Variants in TIAM1 observed in about 807,000 individuals in gnomAD.
TIAM1 encodes rho guanine nucleotide exchange factor TIAM1.
A neutral mutation model predicts 163.5 loss-of-function variants in TIAM1; 65 were observed. The ratio of observed to expected loss-of-function variants is 0.40; its 90% CI spans 0.33 to 0.49. The LOEUF is 0.49. Among genes scored for constraint, TIAM1 ranks in the 20% least tolerant of loss-of-function variants. The pLI, the probability that TIAM1 is intolerant of heterozygous loss-of-function variation, is 0.77. For missense variants in TIAM1, 1,789 were observed against 2,044.7 expected, an observed-to-expected ratio of 0.87 and a Z score of 2.41; for synonymous variants, 833 against 810.1, an observed-to-expected ratio of 1.03 and a Z score of -0.48.
chr21:31,135,232 C>T (rs1311099947), intron 23 of TIAM1, among the ~76,000 whole-genome samples: 1 of 152,198 alleles, frequency 6.6e-6, no homozygotes. Flanking sequence ...TACATTGCAA[C>T]AACAAGCTAT....
intron 2 of TIAM1, among the ~76,000 whole-genome samples, chr21:31,381,983 A>C (rs2076786597): frequency 6.6e-6 from 1 of 152,168 alleles, no homozygotes; most frequent in Non-Finnish European, 1.5e-5. Flanking sequence ...GTGAGAAATA[A>C]ATGTTTGTTG....
intron 15 of TIAM1, among the ~76,000 whole-genome samples, chr21:31,177,277 C>T (rs985822482): frequency 1.2e-4 from 18 of 152,124 alleles, no homozygotes; most frequent in Non-Finnish European, 2.5e-4. Context: ...TTAAGCATGA[C>T]CAGGTCAAGG....
In TIAM1 at chr21:31,153,288, G is replaced by A. The variant is rs777819526; in HGVS notation, c.3172-154C>T. Among the ~76,000 whole-genome samples the A allele has an allele frequency of 8.5e-5, 13 of 152,250 alleles. No homozygotes were observed. In the East Asian group the frequency reaches 9.6e-4, roughly 11 times the overall value. The stretch of plus-strand genomic sequence containing the variant: ...AGGCTAACGTTAGAGACTTTAGGTC[G>A]TTAAGGTCCATTTCATGCAGGAGTA... On this transcript the variant is annotated intron_variant, in intron 17 of 27. Transcript: ENST00000541036.
intron 2 of TIAM1, among the ~76,000 whole-genome samples, chr21:31,370,676 C>T (rs1377188975): frequency 1.3e-5 from 2 of 152,074 alleles, no homozygotes; most frequent in Admixed American, 6.6e-5. Context: ...AGACATACTG[C>T]GGTCTATATG....
At chr21:31,465,022 T>C (rs2045473469) in intron 1 of TIAM1, among the ~76,000 whole-genome samples, 2 of 151,478 alleles carry the variant, frequency 1.3e-5, no homozygotes, top group South Asian at 4.2e-4. Context: ...AAAATAAAAA[T>C]AAATTTAAAA....
At chr21:31,203,955 C>A (rs2086329462) in intron 11 of TIAM1, among the ~76,000 whole-genome samples, 1 of 152,164 alleles carries the variant, frequency 6.6e-6, no homozygotes, top group African/African-American at 2.4e-5. Flanking sequence ...GAAAACAATT[C>A]TAAAATTGAA....
intron 23 of TIAM1, among the ~76,000 whole-genome samples, chr21:31,131,820 A>G (rs1425976735): frequency 3.3e-5 from 5 of 152,090 alleles, no homozygotes; most frequent in Admixed American, 6.5e-5. Flanking sequence ...GGCCCTGAGG[A>G]CTCTGTCCTC....
intron 6 of TIAM1, among the ~76,000 whole-genome samples, chr21:31,231,726 G>C (rs1294978345): frequency 1.3e-5 from 2 of 152,070 alleles, no homozygotes; most frequent in African/African-American, 4.8e-5. Flanking sequence ...TGATGAAAAA[G>C]AGTTATGGGC....
rs1309660126 is a variant in TIAM1, at chr21:31,507,055, G to A, written c.-421-43020C>T. On this transcript the variant is annotated intron_variant, in intron 1 of 28. Coordinates refer to the TIAM1 transcript ENST00000286827. ...TATTGTGAATAATGCTGTTATGTGCGTGGGTATGCAAATATCTCTCTAAGT... is the reference window on the plus strand; with the variant it reads ...TATTGTGAATAATGCTGTTATGTGCATGGGTATGCAAATATCTCTCTAAGT... Among the ~76,000 whole-genome samples the A allele has an allele frequency of 4.6e-5, 7 of 152,148 alleles. No homozygotes were observed. The Middle Eastern group carries it at 0.01, about 222-fold the overall frequency.
chr21:31,334,672 C>G (rs1323243016), intron 2 of TIAM1, among the ~76,000 whole-genome samples: 1 of 152,178 alleles, frequency 6.6e-6, no homozygotes, highest in East Asian at 1.9e-4. Context: ...TCACAGCCCC[C>G]ACATGGTTCA....
intron 2 of TIAM1, among the ~76,000 whole-genome samples, chr21:31,356,403 A>G (rs746830073): frequency 3.3e-5 from 5 of 152,098 alleles, no homozygotes; most frequent in Admixed American, 1.3e-4. Flanking sequence ...AGACCACTCA[A>G]TCTCATACTC....
intron 1 of TIAM1, among the ~76,000 whole-genome samples, chr21:31,472,417 C>G (rs983247335): frequency 1.3e-5 from 2 of 152,088 alleles, no homozygotes; most frequent in African/African-American, 4.8e-5. Context: ...GTCCCAGCTA[C>G]TCGGGAGGCT....
At chr21:31,139,517 T>C (rs1403357052) in intron 22 of TIAM1, among the ~76,000 whole-genome samples, 1 of 152,034 alleles carries the variant, frequency 6.6e-6, no homozygotes, top group East Asian at 1.9e-4. Flanking sequence ...TTTAAAACAA[T>C]CAAAATCAAC....
chr21:31,334,763 T>C (rs1326861303), intron 2 of TIAM1, among the ~76,000 whole-genome samples: 1 of 152,198 alleles, frequency 6.6e-6, no homozygotes, highest in Non-Finnish European at 1.5e-5. Flanking sequence ...TTGAGCAGAC[T>C]GGCTCCTTCC....
At chr21:31,281,687 G>A (rs1344519423) in intron 2 of TIAM1, among the ~76,000 whole-genome samples, 2 of 152,126 alleles carry the variant, frequency 1.3e-5, no homozygotes, top group East Asian at 3.8e-4. Context: ...TAAGTGGATG[G>A]ATGGATGGAT....
chr21:31,231,836 A>C (rs1166423890), intron 6 of TIAM1, among the ~76,000 whole-genome samples: 1 of 152,068 alleles, frequency 6.6e-6, no homozygotes, highest in Non-Finnish European at 1.5e-5. Context: ...AGCATGGTGA[A>C]ACCCCGTCTC....
chr21:31,493,919 C>A (rs1569383337), intron 1 of TIAM1, among the ~76,000 whole-genome samples: 1 of 134,804 alleles, frequency 7.4e-6, no homozygotes, highest in Non-Finnish European at 1.6e-5. Context: ...AGATCTATTT[C>A]TTTTTTAAAA....
intron 2 of TIAM1, among the ~76,000 whole-genome samples, chr21:31,407,564 G>A (rs2147231410): frequency 6.6e-6 from 1 of 151,994 alleles, no homozygotes; most frequent in South Asian, 2.1e-4. Flanking sequence ...CCCATCGGGA[G>A]CAGGCTCCAG....
intron 2 of TIAM1, among the ~76,000 whole-genome samples, chr21:31,391,017 T>C (rs566914978): frequency 1.3e-5 from 2 of 152,254 alleles, no homozygotes; most frequent in Non-Finnish European, 1.5e-5. Flanking sequence ...TTCTAGATGA[T>C]ACCAGGGCAC....
Sources: allele counts gnomAD v4.1 joint callset (sites outside exome capture counted in the v4.1 genomes callset), GRCh38; gene constraint gnomAD v4.1.1; transcripts MANE v1.5; gene names NCBI Gene and HGNC (gene_info 2026-07-23, HGNC 2026-07-21).